Variants in THAP5 observed in about 807,000 individuals in gnomAD.
The protein encoded by THAP5 is THAP domain-containing protein 5.
In THAP5, 26 loss-of-function variants were observed where a neutral mutation model predicts 34.0. The ratio of observed to expected loss-of-function variants is 0.77; its 90% CI spans 0.56 to 1.06. The LOEUF is 1.06. Among genes scored for constraint, THAP5 ranks in the 50% least tolerant of loss-of-function variants. The pLI is 0.00. For missense variants in THAP5, 394 were observed against 452.8 expected (o/e 0.87, Z 1.18); for synonymous variants, 125 against 153.0 (o/e 0.82, Z 1.35).
the THAP5 span, among the ~76,000 whole-genome samples, chr7:108,547,934 A>G: frequency 6.6e-6 from 1 of 152,160 alleles, no homozygotes; most frequent in Non-Finnish European, 1.5e-5. Context: ...CCCTTTCTTA[A>G]TCTTAATAGA....
chr7:108,557,328 C>T (rs1291586696), downstream of THAP5, among the ~76,000 whole-genome samples: 4 of 152,230 alleles, frequency 2.6e-5, no homozygotes, highest in African/African-American at 9.6e-5. Flanking sequence ...GTCCAGGCTG[C>T]AAATTTTCCC....
rs1790573506 is a variant in THAP5, at chr7:108,569,695, G to A, written c.-126C>T. 7.7e-7 allele frequency: 1 copy of A among 1,303,252 alleles called. No individual in the cohort carries two copies. Among genetic ancestry groups the A allele is most frequent in the Non-Finnish European group, 1.1e-6 (1 of 948,240 alleles). 80.7% of individuals were successfully genotyped at this position (1,303,252 alleles called of 1,614,324 possible). A position where few individuals can be genotyped will look rare whatever the true frequency, so the allele number is the denominator to read the frequency against. On this transcript the variant is annotated 5_prime_UTR_variant, in exon 1 of 3. Coordinates refer to ENST00000415914, the MANE Select transcript of THAP5 (RefSeq NM_001130475.3). ...CCTGCGCTAGCATTCTGCCGGGAAA[G>A]CCGCCTCGTCTGTCGACTCACTTCC...
downstream of THAP5, among the ~76,000 whole-genome samples, chr7:108,551,015 T>C: frequency 6.6e-6 from 1 of 152,202 alleles, no homozygotes; most frequent in East Asian, 1.9e-4. Context: ...TTTATAACAT[T>C]TTAAATTACT....
downstream of THAP5, among the ~76,000 whole-genome samples, chr7:108,552,912 C>T (rs1203293519): frequency 3.3e-5 from 5 of 152,166 alleles, no homozygotes; most frequent in Admixed American, 6.5e-5. Context: ...ATAAACTCTT[C>T]ATACATAAAA....
chr7:108,569,432 G>C, intron 1 of THAP5, 58 bp downstream of exon 1: 8 of 1,550,348 alleles, frequency 5.2e-6, no homozygotes, highest in Non-Finnish European at 6.1e-6. Context: ...CAAGCCCAAA[G>C]GCCACAGGTC....
chr7:108,558,066 G>T (rs566209285), downstream of THAP5, among the ~76,000 whole-genome samples: 1 of 151,860 alleles, frequency 6.6e-6, no homozygotes, highest in East Asian at 1.9e-4. Flanking sequence ...ACCACATCTC[G>T]TGGAAACTCA....
chr7:108,565,199 CCAAG>C (rs1259320686), intron 2 of THAP5, 94 bp from the exon 3 acceptor site: 1 of 979,030 alleles, frequency 1.0e-6, no homozygotes, highest in Non-Finnish European at 1.4e-6. Flanking sequence ...AGTACACTGG[CCAAG>C]CAAATTTATT....
At chr7:108,552,936 T>C (rs1864363338), downstream of THAP5, among the ~76,000 whole-genome samples, 2 of 152,238 alleles carry the variant, frequency 1.3e-5, no homozygotes, top group African/African-American at 4.8e-5. Flanking sequence ...TACTTTATTA[T>C]ATTCTAGCTT....
At position 108,568,724 on chromosome 7, in the gene THAP5, A is replaced by G. The variant is rs1242868440; in HGVS notation, c.80+766T>C. 3 of 153,224 alleles carry G rather than the reference A, an allele frequency of 2.0e-5. No individual in the cohort carries two copies. The East Asian group carries it at 5.8e-4, about 29-fold the overall frequency. The allele number at this position is 153,224 out of a possible 1,614,324, so 9.5% of individuals were successfully genotyped here. On this transcript the variant is annotated intron_variant, in intron 1 of 2. Coordinates refer to ENST00000415914, the MANE Select transcript of THAP5 (RefSeq NM_001130475.3). ...TGTTATTAATCATGTGAGTACTATTAACATCTCCATGTTACAGATGAGATA... is the reference window on the plus strand; with the variant it reads ...TGTTATTAATCATGTGAGTACTATTGACATCTCCATGTTACAGATGAGATA...
the THAP5 span, among the ~76,000 whole-genome samples, chr7:108,542,286 G>A: frequency 7.9e-5 from 12 of 152,142 alleles, no homozygotes; most frequent in African/African-American, 2.9e-4. Flanking sequence ...TATAAGGCTA[G>A]ATGGTAAAGA....
At chr7:108,542,374 G>GA in the THAP5 span, among the ~76,000 whole-genome samples, 43 of 152,072 alleles carry the variant, frequency 2.8e-4, no homozygotes, top group Non-Finnish European at 5.7e-4. Context: ...CTTAGTAGTT[G>GA]AAAAAAACAA....
the THAP5 span, among the ~76,000 whole-genome samples, chr7:108,542,332 A>G: frequency 6.6e-6 from 1 of 152,214 alleles, no homozygotes; most frequent in Non-Finnish European, 1.5e-5. Flanking sequence ...CATGGCACTC[A>G]GGTTATCTTT....
rs981610857 is a variant in THAP5, at chr7:108,565,116, A to G, written c.274-11T>C. On this transcript the variant is annotated splice_polypyrimidine_tract_variant and intron_variant, in intron 2 of 2. Coordinates refer to ENST00000415914, the MANE Select transcript of THAP5 (RefSeq NM_001130475.3). The stretch of plus-strand genomic sequence containing the variant: ...AGAAGGGTCTTTTCCCTAGAAAATA[A>G]TATTTTCATGTTCTGAAAAAGATGA... The G allele has an allele frequency of 7.4e-6, 11 of 1,480,458 alleles. No homozygotes were observed. The highest frequency in any genetic ancestry group is 1.8e-4 in the Middle Eastern group (1 of 5,546). The allele number at this position is 1,480,458 out of a possible 1,614,324, so 91.7% of individuals were successfully genotyped here.
intron 1 of THAP5, chr7:108,569,061 G>C: frequency 8.0e-6 from 8 of 1,001,550 alleles, no homozygotes; most frequent in Non-Finnish European, 9.6e-6. Flanking sequence ...AGTTTCCTCA[G>C]GAGAAAAGTG....
the THAP5 span, among the ~76,000 whole-genome samples, chr7:108,545,069 T>C: frequency 6.6e-6 from 1 of 152,326 alleles, no homozygotes; most frequent in Non-Finnish European, 1.5e-5. Context: ...TTAGTTTTAT[T>C]TTTGTCTTAT....
downstream of THAP5, among the ~76,000 whole-genome samples, chr7:108,558,381 GTATATATATATATATA>G (rs66806128): frequency 2.6e-4 from 24 of 93,856 alleles, 1 homozygote; most frequent in African/African-American, 8.3e-4. Flanking sequence ...GTGTGTGTAT[GTATATATATATATATA>G]TATATATATA....
chr7:108,558,288 A>T, downstream of THAP5, among the ~76,000 whole-genome samples: 1 of 151,198 alleles, frequency 6.6e-6, no homozygotes, highest in Non-Finnish European at 1.5e-5. Context: ...AAATCTTGAA[A>T]AATCCACTTT....
the THAP5 span, among the ~76,000 whole-genome samples, chr7:108,544,187 AAAG>A: frequency 5.9e-5 from 9 of 152,198 alleles, no homozygotes; most frequent in Non-Finnish European, 5.9e-5. Flanking sequence ...TTAAGGAAGA[AAAG>A]GAGACAATTC....
intron 1 of THAP5, among the ~76,000 whole-genome samples, chr7:108,568,031 C>G (rs2154518152): frequency 6.6e-6 from 1 of 152,260 alleles, no homozygotes; most frequent in South Asian, 2.1e-4. Context: ...TCAACATGAT[C>G]TTTTGCTACA....
Sources: gnomAD v4.1 joint callset for allele counts (sites outside exome capture counted in the v4.1 genomes callset) on GRCh38, gnomAD v4.1.1 for gene constraint, MANE v1.5 for transcripts, NCBI Gene and HGNC (gene_info 2026-07-23, HGNC 2026-07-21) for gene names.